Variants in PLPP3 observed in about 807,000 individuals in gnomAD.
PLPP3 encodes phospholipid phosphatase 3.
Under a neutral mutation model 29.6 loss-of-function variants are expected in PLPP3, and 6 were observed. The ratio of observed to expected loss-of-function variants is 0.20; its 90% CI spans 0.11 to 0.40. The LOEUF (loss-of-function observed/expected upper bound fraction) is 0.40. Ranked by LOEUF, PLPP3 falls within the 10% of genes least tolerant of loss-of-function variation. The pLI, the probability that PLPP3 is intolerant of heterozygous loss-of-function variation, is 1.00. For synonymous variants in PLPP3, 152 were observed against 159.7 expected (o/e 0.95, Z 0.36); for missense variants, 308 against 407.7 (o/e 0.76, Z 2.11).
In PLPP3 at chr1:56,551,309, C is replaced by CTTT. The variant is rs1274587106; in HGVS notation, c.140-14198_140-14197insAAA. Reference sequence around the variant, plus strand: ...TGGTTTGGTTCGGTTCGGTTCGGTTCGGTTCGGTTCGGTTTGGTGGTGTGC... The same window carrying CTTT: ...TGGTTTGGTTCGGTTCGGTTCGGTTCTTTGGTTCGGTTCGGTTTGGTGGTGTGC... On this transcript the variant is annotated intron_variant, in intron 1 of 5. Transcript: ENST00000371250. 1.5e-3 allele frequency among the ~76,000 whole-genome samples: 206 copies of CTTT among 137,586 alleles called. 2 individuals are homozygous for CTTT. The highest frequency in any genetic ancestry group is 3.3e-3 in the South Asian group (13 of 3,942). The allele number at this position is 137,586 out of a possible 152,430, so 90.3% of individuals were successfully genotyped here.
chr1:56,502,492 T>G (rs1288634633), intron 5 of PLPP3, among the ~76,000 whole-genome samples: 3 of 152,238 alleles, frequency 2.0e-5, no homozygotes, highest in African/African-American at 7.2e-5. Flanking sequence ...ATCTGGAATC[T>G]GCATTTTAGC....
chr1:56,508,197 A>G (rs1354474792), intron 5 of PLPP3, among the ~76,000 whole-genome samples: 1 of 152,234 alleles, frequency 6.6e-6, no homozygotes, highest in Admixed American at 6.5e-5. Context: ...GGGGACAGGT[A>G]TCTAATACAG....
chr1:56,577,978 T>C (rs1219102592), intron 1 of PLPP3, among the ~76,000 whole-genome samples: 1 of 152,032 alleles, frequency 6.6e-6, no homozygotes, highest in East Asian at 1.9e-4. Context: ...TGTTCATTCT[T>C]GTGAAGCGCT....
At chr1:56,570,717 A>G (rs2100308274) in intron 1 of PLPP3, among the ~76,000 whole-genome samples, 1 of 152,278 alleles carries the variant, frequency 6.6e-6, no homozygotes, top group Non-Finnish European at 1.5e-5. Flanking sequence ...GAATAAGGAG[A>G]GTTTGTTGAG....
chr1:56,548,198 C>T (rs1646017735), intron 1 of PLPP3, among the ~76,000 whole-genome samples: 1 of 152,168 alleles, frequency 6.6e-6, no homozygotes, highest in Non-Finnish European at 1.5e-5. Flanking sequence ...AGCACACTCC[C>T]CATTCCCAGT....
chr1:56,528,739 G>C (rs897285210), intron 2 of PLPP3, among the ~76,000 whole-genome samples: 1 of 151,232 alleles, frequency 6.6e-6, no homozygotes, highest in South Asian at 2.1e-4. Flanking sequence ...CTCCTTGGAC[G>C]ATACCATACC....
At chr1:56,538,970 A>AAAAAAAAAAAAAAAAAAAC (rs1005848195) in intron 1 of PLPP3, 2 of 150,766 alleles carry the variant, frequency 1.3e-5, no homozygotes, top group Non-Finnish European at 3.0e-5. Flanking sequence ...AAAAAAAAAA[A>AAAAAAAAAAAAAAAAAAAC]ACACAGTGGA....
chr1:56,504,596 C>T (rs1178722028), intron 5 of PLPP3, among the ~76,000 whole-genome samples: 1 of 152,110 alleles, frequency 6.6e-6, no homozygotes, highest in Non-Finnish European at 1.5e-5. Context: ...CCCCATTATC[C>T]CCCAAGTTTT....
chr1:56,534,430 T>G (rs1557506113), intron 2 of PLPP3, among the ~76,000 whole-genome samples: 1 of 152,166 alleles, frequency 6.6e-6, no homozygotes, highest in African/African-American at 2.4e-5. Flanking sequence ...TCCTTTGTTG[T>G]GGGGACCATC....
intron 2 of PLPP3, among the ~76,000 whole-genome samples, chr1:56,533,200 A>C (rs922983977): frequency 2.3e-4 from 35 of 152,006 alleles, no homozygotes; most frequent in Non-Finnish European, 4.6e-4. Context: ...AATTACAGGC[A>C]CATGCCACCA....
At chr1:56,549,787 C>G (rs931609888) in intron 1 of PLPP3, among the ~76,000 whole-genome samples, 1 of 152,118 alleles carries the variant, frequency 6.6e-6, no homozygotes, top group Non-Finnish European at 1.5e-5. Flanking sequence ...ATCTGCAGAC[C>G]TTCAGATAAA....
intron 2 of PLPP3, among the ~76,000 whole-genome samples, chr1:56,530,546 T>C (rs943677497): frequency 1.3e-5 from 2 of 152,234 alleles, no homozygotes; most frequent in African/African-American, 2.4e-5. Flanking sequence ...CTGACAAAGA[T>C]GTGCAATCTT....
At chr1:56,554,884 T>C (rs753858428) in intron 1 of PLPP3, among the ~76,000 whole-genome samples, 17 of 152,234 alleles carry the variant, frequency 1.1e-4, no homozygotes, top group Admixed American at 2.0e-4. Flanking sequence ...CCAAGTTCAC[T>C]TCACACTCAT....
chr1:56,550,340 T>C (rs1646029701), intron 1 of PLPP3, among the ~76,000 whole-genome samples: 1 of 152,154 alleles, frequency 6.6e-6, no homozygotes, highest in African/African-American at 2.4e-5. Context: ...GGGAGGCTCT[T>C]TTGCCAGAAC....
At chr1:56,516,779 TA>T (rs11324736) in intron 4 of PLPP3, 58,484 of 139,358 alleles carry the variant, frequency 0.42, 11,530 homozygotes, top group African/African-American at 0.49. Context: ...TTTCCGTTGC[TA>T]AAAAAAAAAA....
chr1:56,535,350 C>T (rs1318612553), intron 2 of PLPP3, among the ~76,000 whole-genome samples: 1 of 152,162 alleles, frequency 6.6e-6, no homozygotes, highest in African/African-American at 2.4e-5. Flanking sequence ...TATCCCCATA[C>T]ACAGTAGCAC....
intron 4 of PLPP3, among the ~76,000 whole-genome samples, chr1:56,518,259 A>T (rs1360801204): frequency 6.6e-6 from 1 of 152,178 alleles, no homozygotes; most frequent in Non-Finnish European, 1.5e-5. Context: ...CCTCGTGGGC[A>T]TACCAGACCC....
intron 1 of PLPP3, among the ~76,000 whole-genome samples, chr1:56,549,856 T>C (rs1646026810): frequency 6.6e-6 from 1 of 152,158 alleles, no homozygotes; most frequent in African/African-American, 2.4e-5. Context: ...TCAGCAAAAA[T>C]GGGCGGTGGG....
chr1:56,523,735 A>C lies in PLPP3; in HGVS notation c.633+88T>G, dbSNP rs899481191. The C allele has an allele frequency of 2.1e-5, 29 of 1,388,574 alleles. No homozygotes were observed. The African/African-American group carries it at 3.4e-4, about 16-fold the overall frequency. The allele number at this position is 1,388,574 out of a possible 1,614,324, so 86.0% of individuals were successfully genotyped here. Reference sequence around the variant, plus strand: ...TTTTCAAGGATTTCACAGTGATGGCATGCCCCTAAACTATTTTGAGGGCTA... The same window carrying C: ...TTTTCAAGGATTTCACAGTGATGGCCTGCCCCTAAACTATTTTGAGGGCTA... On this transcript the variant is annotated intron_variant, in intron 4 of 5. Transcript: ENST00000371250.
Sources: allele counts gnomAD v4.1 joint callset (sites outside exome capture counted in the v4.1 genomes callset), GRCh38; gene constraint gnomAD v4.1.1; transcripts MANE v1.5; gene names NCBI Gene and HGNC (gene_info 2026-07-23, HGNC 2026-07-21).